Variants in HSDL2 observed in about 807,000 individuals in gnomAD.
HSDL2 encodes hydroxysteroid dehydrogenase like 2.
In HSDL2, 27 loss-of-function variants were observed where a neutral mutation model predicts 46.3. That is an observed-to-expected ratio of 0.58 (90% CI 0.43 to 0.80). HSDL2 has a LOEUF of 0.80. Among genes scored for constraint, HSDL2 ranks in the 30% least tolerant of loss-of-function variants. The pLI, the probability that HSDL2 is intolerant of heterozygous loss-of-function variation, is 0.00. For synonymous variants in HSDL2, 153 were observed against 163.6 expected (o/e 0.94, Z 0.50); for missense variants, 451 against 502.7 (o/e 0.90, Z 0.98).
intron 6 of HSDL2, among the ~76,000 whole-genome samples, chr9:112,435,753 A>G (rs907762508): frequency 1.9e-4 from 29 of 152,086 alleles, no homozygotes; most frequent in African/African-American, 6.3e-4. Context: ...TTGACAAACA[A>G]ATAGGGTCTC....
intron 8 of HSDL2, among the ~76,000 whole-genome samples, chr9:112,445,360 G>C (rs887830819): frequency 1.3e-5 from 2 of 152,090 alleles, no homozygotes; most frequent in African/African-American, 4.8e-5. Flanking sequence ...TATTAAAAAG[G>C]ACAGTCTGAT....
intron 10 of HSDL2, among the ~76,000 whole-genome samples, chr9:112,463,261 T>A (rs1212844167): frequency 1.3e-3 from 1 of 762 alleles, no homozygotes; most frequent in Non-Finnish European, 2.1e-3. Flanking sequence ...ATATTTAACT[T>A]TTTTTTTTTT....
rs1219124301 is a variant in HSDL2, at chr9:112,471,562, T to G, written c.*1018T>G. 6.6e-6 allele frequency: 1 copy of G among 152,194 alleles called. No individual in the cohort carries two copies. The highest frequency in any genetic ancestry group is 2.4e-5 in the African/African-American group (1 of 41,424). 9.4% of individuals were successfully genotyped at this position (152,194 alleles called of 1,614,324 possible). A position where few individuals can be genotyped will look rare whatever the true frequency, so the allele number is the denominator to read the frequency against. On this transcript the variant is annotated 3_prime_UTR_variant, in exon 11 of 11. Coordinates refer to ENST00000398805, the MANE Select transcript of HSDL2 (RefSeq NM_032303.5). ...ATCTCCAGAATAGTGAGAAATAAAT[T>G]TCTGTTGTTAAGCCGTCCACTGTGG... is the stretch of plus-strand genomic sequence containing the variant.
chr9:112,467,588 CTCA>C (rs1833429786), intron 10 of HSDL2, among the ~76,000 whole-genome samples: 1 of 152,174 alleles, frequency 6.6e-6, no homozygotes, highest in African/African-American at 2.4e-5. Context: ...CGGCTCCATC[CTCA>C]TGATTTCACC....
intron 4 of HSDL2, among the ~76,000 whole-genome samples, chr9:112,409,653 C>T (rs1166493849): frequency 6.6e-6 from 1 of 152,004 alleles, no homozygotes; most frequent in African/African-American, 2.4e-5. Context: ...CACAAGATGG[C>T]AAGACGCTGT....
chr9:112,403,378 GT>G (rs1831651919), intron 1 of HSDL2, among the ~76,000 whole-genome samples: 1 of 152,198 alleles, frequency 6.6e-6, no homozygotes, highest in Admixed American at 6.5e-5. Context: ...TTAGCAGAAT[GT>G]TTTTGGTTCA....
intron 1 of HSDL2, among the ~76,000 whole-genome samples, chr9:112,386,600 A>G (rs1437568898): frequency 6.7e-6 from 1 of 149,456 alleles, no homozygotes; most frequent in Non-Finnish European, 1.5e-5. Context: ...TGGGCAGCAC[A>G]GTAAGACTCT....
At chr9:112,442,065 G>C (rs539717641) in intron 8 of HSDL2, among the ~76,000 whole-genome samples, 6 of 151,304 alleles carry the variant, frequency 4.0e-5, no homozygotes, top group African/African-American at 1.2e-4. Flanking sequence ...AGTTTGCGAC[G>C]AGCTTGGGCA....
intron 10 of HSDL2, among the ~76,000 whole-genome samples, chr9:112,463,827 A>C (rs1564135962): frequency 6.6e-6 from 1 of 151,480 alleles, no homozygotes. Flanking sequence ...CACCTAGGTA[A>C]TTTTTGTATT....
Position 112,471,728 on chromosome 9 carries a change from A to G in HSDL2, c.*1184A>G, listed in dbSNP as rs1456237420. Reference sequence around the variant, plus strand: ...GGTATTTTATTATGGCAGCCCTAGCAAGCTAATACAGTGGTTTGAGAGGCT... The same window carrying G: ...GGTATTTTATTATGGCAGCCCTAGCGAGCTAATACAGTGGTTTGAGAGGCT... On this transcript the variant is annotated 3_prime_UTR_variant, in exon 11 of 11. Coordinates refer to ENST00000398805, the MANE Select transcript of HSDL2 (RefSeq NM_032303.5). 1 of 152,202 alleles carries G rather than the reference A, an allele frequency of 6.6e-6. No individual in the cohort carries two copies. Among genetic ancestry groups the G allele is most frequent in the Non-Finnish European group, 1.5e-5 (1 of 68,070 alleles). 9.4% of individuals were successfully genotyped at this position (152,202 alleles called of 1,614,324 possible).
At chr9:112,418,993 T>C (rs1018057367) in intron 6 of HSDL2, 35 bp downstream of exon 6, 7 of 1,088,438 alleles carry the variant, frequency 6.4e-6, no homozygotes, top group Non-Finnish European at 9.8e-6. Context: ...TGTTAGATTT[T>C]CATGTATTGT....
intron 6 of HSDL2, among the ~76,000 whole-genome samples, chr9:112,425,912 GTA>G (rs984510571): frequency 1.3e-5 from 2 of 151,162 alleles, no homozygotes; most frequent in East Asian, 1.9e-4. Context: ...GTTTTTGTGT[GTA>G]TGTGTGTGTG....
Position 112,454,106 on chromosome 9 carries a change from C to G in HSDL2, c.959C>G (p.Ser320Cys). 6.2e-7 allele frequency: 1 copy of G among 1,613,918 alleles called. No individual in the cohort carries two copies. Among genetic ancestry groups the G allele is most frequent in the Non-Finnish European group, 8.5e-7 (1 of 1,179,824 alleles). ...GAAACATTTAGAATTGTTAAGGACT[C>G]TCTCAGTGATGATGTTGTTAAAGCC... ...VEETFRIVKDSLSDDVVKATQ... is the reference protein window; with the variant it reads ...VEETFRIVKDCLSDDVVKATQ... Residue 320 changes from serine to cysteine, a missense_variant, in exon 9 of 11, where the codon TCT becomes TGT. Physicochemically the swap from Ser to Cys is moderately radical, Grantham distance 112. Transcript: ENST00000398805.
chr9:112,431,501 T>G (rs879570248), intron 6 of HSDL2, among the ~76,000 whole-genome samples: 6 of 152,242 alleles, frequency 3.9e-5, no homozygotes, highest in Admixed American at 3.9e-4. Context: ...TGATACAGTT[T>G]GGATGTTGTC....
chr9:112,451,149 C>T (rs1427245580), intron 8 of HSDL2, among the ~76,000 whole-genome samples: 1 of 152,104 alleles, frequency 6.6e-6, no homozygotes, highest in African/African-American at 2.4e-5. Flanking sequence ...TGTACCACTG[C>T]ACTTCAGCCT....
intron 10 of HSDL2, among the ~76,000 whole-genome samples, chr9:112,463,546 T>A (rs1485132471): frequency 4.6e-5 from 7 of 152,254 alleles, no homozygotes; most frequent in African/African-American, 1.7e-4. Flanking sequence ...AACATTTTTT[T>A]AAAATTGCTC....
intron 6 of HSDL2, among the ~76,000 whole-genome samples, chr9:112,432,045 A>G (rs1390127645): frequency 1.3e-5 from 2 of 151,830 alleles, no homozygotes; most frequent in Non-Finnish European, 2.9e-5. Flanking sequence ...ACACCTGGCT[A>G]ATTTTTTTGT....
intron 1 of HSDL2, among the ~76,000 whole-genome samples, chr9:112,392,802 C>A (rs1831376053): frequency 6.6e-6 from 1 of 152,114 alleles, no homozygotes; most frequent in Admixed American, 6.5e-5. Flanking sequence ...TCACAGTGGT[C>A]CTGAGGTGAC....
intron 6 of HSDL2, among the ~76,000 whole-genome samples, chr9:112,422,151 C>T (rs1456187530): frequency 1.3e-5 from 2 of 152,138 alleles, no homozygotes; most frequent in African/African-American, 2.4e-5. Context: ...TAACTTACTA[C>T]TGCTGGCAAA....
Sources: gnomAD v4.1 joint callset for allele counts (sites outside exome capture counted in the v4.1 genomes callset) on GRCh38, gnomAD v4.1.1 for gene constraint, MANE v1.5 for transcripts, NCBI Gene and HGNC (gene_info 2026-07-23, HGNC 2026-07-21) for gene names.